HDAC7: variants seen among roughly 807,000 people sequenced by gnomAD.
HDAC7 encodes histone deacetylase 7A.
HDAC7 carries 26 observed loss-of-function variants against 115.5 expected under a neutral mutation model. The observed-to-expected ratio is 0.23, with a 90% CI of 0.16 to 0.31. HDAC7 has a LOEUF of 0.31. Among genes scored for constraint, HDAC7 ranks in the 10% least tolerant of loss-of-function variants. The pLI is 1.00. For missense variants in HDAC7, 1,068 were observed against 1,329.0 expected (o/e 0.80, Z 3.05); for synonymous variants, 564 against 550.9 (o/e 1.02, Z -0.33).
chr12:47,809,794 C>T lies in HDAC7; in HGVS notation c.20-7520G>A, dbSNP rs1944573986. Among the ~76,000 whole-genome samples the T allele has an allele frequency of 2.0e-5, 3 of 152,282 alleles. No homozygotes were observed. The South Asian group carries it at 6.2e-4, about 32-fold the overall frequency. On this transcript the variant is annotated intron_variant, in intron 1 of 25. Transcript: ENST00000080059. ...CCCTGTTGATTAGTCTGGTCTCGAA[C>T]TCCCAGCCTCAAGTGATCCGCCCAC...
intron 1 of HDAC7, chr12:47,817,898 T>G (rs749395152): frequency 6.6e-6 from 1 of 152,232 alleles, no homozygotes; most frequent in Non-Finnish European, 1.5e-5. Context: ...GGGTTTTATA[T>G]CAGAATTGAG....
intron 1 of HDAC7, among the ~76,000 whole-genome samples, chr12:47,809,924 G>A (rs1464224618): frequency 5.3e-5 from 8 of 151,838 alleles, no homozygotes; most frequent in Admixed American, 5.3e-4. Flanking sequence ...ACTCTGTAAG[G>A]CAGATACTGT....
intron 12 of HDAC7, among the ~76,000 whole-genome samples, chr12:47,794,555 A>G (rs1180825946): frequency 6.6e-6 from 1 of 152,140 alleles, no homozygotes; most frequent in Non-Finnish European, 1.5e-5. Flanking sequence ...TGTTGTGTGT[A>G]TGTGTGTGTA....
At chr12:47,821,036 G>A (rs1239458626), upstream of HDAC7, among the ~76,000 whole-genome samples, 1 of 152,208 alleles carries the variant, frequency 6.6e-6, no homozygotes, top group Non-Finnish European at 1.5e-5. Flanking sequence ...CCTAGGAAGG[G>A]GAGAGGTCCA....
rs762078254 is a variant in HDAC7, at chr12:47,794,926, G to C, written c.1292C>G (p.Ala431Gly). 4 of 1,611,352 alleles carry C rather than the reference G, an allele frequency of 2.5e-6. No homozygotes were observed. The highest frequency in any genetic ancestry group is 3.4e-6 in the Non-Finnish European group (4 of 1,179,262). The stretch of plus-strand genomic sequence containing the variant: ...CAGCCGGGGCTTCTCACTCGGCTTG[G>C]CTGACCTCTGGGGAGGGGAGAACCT... ...KTHVQVIKRS[A>G]KPSEKPRLRQ... Residue 431 changes from alanine (A) to glycine (G), a missense_variant, in exon 12 of 26, where the codon GCC becomes GGC. Ala to Gly is a moderately conservative substitution (Grantham distance 60). Transcript: ENST00000080059.
At chr12:47,801,492 TTG>T (rs1444627732) in intron 2 of HDAC7, among the ~76,000 whole-genome samples, 1 of 152,176 alleles carries the variant, frequency 6.6e-6, no homozygotes, top group African/African-American at 2.4e-5. Flanking sequence ...CGCTTTGTAT[TTG>T]TGTGTGCTTC....
At chr12:47,820,147 C>G (rs1944983234), upstream of HDAC7, among the ~76,000 whole-genome samples, 1 of 151,078 alleles carries the variant, frequency 6.6e-6, no homozygotes, top group African/African-American at 2.4e-5. The surrounding 1 kb of genome is among the most constrained non-coding windows in gnomAD (Gnocchi z 4.3). Flanking sequence ...GAGGCAGCGC[C>G]GAACCCGGAA....
intron 1 of HDAC7, among the ~76,000 whole-genome samples, chr12:47,804,637 C>T (rs1166999160): frequency 1.3e-5 from 2 of 152,106 alleles, no homozygotes; most frequent in Non-Finnish European, 2.9e-5. Flanking sequence ...GGCTACTCCC[C>T]TTTTCTATCT....
At position 47,802,078 on chromosome 12, in the gene HDAC7, C is replaced by T. The variant is rs1275723509; in HGVS notation, c.70+146G>A. On this transcript the variant is annotated intron_variant, in intron 2 of 25. Coordinates refer to ENST00000080059, the MANE Select transcript of HDAC7 (RefSeq NM_015401.5). ...GCCTCTCTTACCCCGGCTCCTCGCC[C>T]CTCCCTGGAGCCGCCACCTCCTGGC... 4 of 796,520 alleles carry T rather than the reference C, an allele frequency of 5.0e-6. No homozygotes were observed. The African/African-American group carries it at 6.9e-5, about 14-fold the overall frequency. The allele number at this position is 796,520 out of a possible 1,614,324, so 49.3% of individuals were successfully genotyped here.
At chr12:47,813,053 A>T (rs1009890454) in intron 1 of HDAC7, 1 of 152,228 alleles carries the variant, frequency 6.6e-6, no homozygotes, top group African/African-American at 2.4e-5. Context: ...ACCCAGGGGA[A>T]GCACAGCCCT....
upstream of HDAC7, chr12:47,819,954 A>T (rs1944978480): frequency 6.9e-6 from 1 of 144,416 alleles, no homozygotes; most frequent in South Asian, 2.3e-4. Context: ...GCCGGGTAGG[A>T]TGACAATGGA....
chr12:47,815,779 A>C (rs1342211682), intron 1 of HDAC7, among the ~76,000 whole-genome samples: 10 of 150,466 alleles, frequency 6.6e-5, no homozygotes, highest in Non-Finnish European at 1.3e-4. Flanking sequence ...GCCTGGCTAA[A>C]TTTGTATTTT....
In HDAC7 at chr12:47,783,400, G is replaced by T; in HGVS notation, c.*441C>A. 1 of 207,148 alleles carries T rather than the reference G, an allele frequency of 4.8e-6. No homozygotes were observed. Among genetic ancestry groups the T allele is most frequent in the Non-Finnish European group, 1.0e-5 (1 of 99,552 alleles). 12.8% of individuals were successfully genotyped at this position (207,148 alleles called of 1,614,324 possible). On this transcript the variant is annotated 3_prime_UTR_variant, in exon 26 of 26. Coordinates refer to ENST00000080059, the MANE Select transcript of HDAC7 (RefSeq NM_015401.5). Reference sequence around the variant, plus strand: ...TCCCCACTCCCCCCTAGCCCCTAGAGCCTAGGAAGGGCCAGCCTGTCTGAG... The same window carrying T: ...TCCCCACTCCCCCCTAGCCCCTAGATCCTAGGAAGGGCCAGCCTGTCTGAG...
chr12:47,784,245 G>A, intron 24 of HDAC7, 28 bp from the exon 25 acceptor site: 3 of 1,596,952 alleles, frequency 1.9e-6, no homozygotes, highest in Non-Finnish European at 2.6e-6. Context: ...GTCAGAAAGG[G>A]TTGGAGAAAG....
Position 47,798,203 on chromosome 12 carries a change from G to A in HDAC7, c.366C>T (p.Ser122=), listed in dbSNP as rs1198623186. The A allele has an allele frequency of 1.9e-6, 3 of 1,613,498 alleles. No homozygotes were observed. Among genetic ancestry groups the A allele is most frequent in the Non-Finnish European group, 2.5e-6 (3 of 1,179,784 alleles). The change falls in exon 5 of 26, where the codon AGC becomes AGT. Residue 122 remains serine (S), a synonymous_variant. Coordinates refer to ENST00000080059, the MANE Select transcript of HDAC7 (RefSeq NM_015401.5). This position sits in a 1 kb window ranked among gnomAD's most constrained non-coding sequence, Gnocchi z 4.3. The part of the protein sequence containing the change: ...DKSKRSAVAS[S]VVKQKLAEVI... ...CCTCCGCTAGCTTCTGCTTGACCAC[G>A]CTGCTGGCTACAGCACCTGTAGGGG...
intron 16 of HDAC7, 116 bp from the exon 17 acceptor site, chr12:47,790,036 A>G (rs1943395440): frequency 4.1e-6 from 3 of 727,938 alleles, no homozygotes; most frequent in Non-Finnish European, 7.2e-6. Context: ...CTGGGCAGAC[A>G]GTGCTGCCTC....
chr12:47,790,934 G>A, intron 16 of HDAC7: 1 of 450,676 alleles, frequency 2.2e-6, no homozygotes, highest in Non-Finnish European at 4.0e-6. Context: ...GGCGGCCAAT[G>A]CCCAGTCATG....
chr12:47,814,635 C>T (rs902453369), intron 1 of HDAC7, among the ~76,000 whole-genome samples: 6 of 152,198 alleles, frequency 3.9e-5, no homozygotes, highest in Non-Finnish European at 8.8e-5. Context: ...CTCTGCCAAC[C>T]TTTGGGGCTG....
chr12:47,792,791 C>T (rs763838839), intron 13 of HDAC7: 1 of 411,382 alleles, frequency 2.4e-6, no homozygotes, highest in Non-Finnish European at 5.0e-6. Context: ...TAATGAAATA[C>T]TATGAGACTC....
Sources: allele counts gnomAD v4.1 joint callset (sites outside exome capture counted in the v4.1 genomes callset), GRCh38; gene constraint gnomAD v4.1.1; non-coding constraint Gnocchi (gnomAD v3.1); transcripts MANE v1.5; gene names NCBI Gene and HGNC (gene_info 2026-07-23, HGNC 2026-07-21).